Variants in PIEZO1 observed in about 807,000 individuals in gnomAD.
The protein encoded by PIEZO1 is piezo-type mechanosensitive ion channel component 1.
In PIEZO1, 296 loss-of-function variants were observed where a neutral mutation model predicts 297.2. The observed-to-expected ratio is 1.00, with a 90% CI of 0.91 to 1.10. The LOEUF is 1.10. PIEZO1 is among the 50% of genes least tolerant of loss of function. The probability of loss-of-function intolerance (pLI) is 0.00; values close to 1 mark genes in which losing one functional copy is unlikely to be tolerated. For synonymous variants in PIEZO1, 2,427 were observed against 1,507.5 expected (o/e 1.61, Z -14.13); for missense variants, 5,018 against 3,455.5 (o/e 1.45, Z -11.34).
chr16:88,772,634 C>T (rs1907476287), intron 1 of PIEZO1, among the ~76,000 whole-genome samples: 1 of 152,134 alleles, frequency 6.6e-6, no homozygotes, highest in African/African-American at 2.4e-5. Context: ...CAAAAATGAG[C>T]CGGGCGTGAT....
chr16:88,716,147 G>C, intron 49 of PIEZO1, 28 bp from the exon 50 acceptor site: 1 of 1,529,258 alleles, frequency 6.5e-7, no homozygotes, highest in South Asian at 1.2e-5. Flanking sequence ...GATCGTTGAG[G>C]CCGCAGGTCA....
chr16:88,726,893 A>T lies in PIEZO1; in HGVS notation c.3521T>A (p.Val1174Glu). The T allele has an allele frequency of 6.5e-7, 1 of 1,550,312 alleles. No homozygotes were observed. Among genetic ancestry groups the T allele is most frequent in the Non-Finnish European group, 8.7e-7 (1 of 1,146,878 alleles). ...GATGCGGGTGGCCCCCGTGACAAAC[A>T]CCACCACCAGCACCAGCCAGAACAG... ...RYLFWLVLVV[V>E]FVTGATRISI... The change falls in exon 25 of 51, where the codon GTG (valine) becomes GAG (glutamate). Residue 1174 changes from valine to glutamate, a missense_variant. By Grantham distance (121) the Val-to-Glu change is moderately radical. Coordinates refer to ENST00000301015, the MANE Select transcript of PIEZO1 (RefSeq NM_001142864.4).
At chr16:88,723,752 T>C (rs1183761872) in intron 31 of PIEZO1, 119 bp downstream of exon 31, 3 of 635,180 alleles carry the variant, frequency 4.7e-6, no homozygotes, top group African/African-American at 3.7e-5. Flanking sequence ...GTGGGCTAAC[T>C]GGAGGTGGAG....
In PIEZO1 at chr16:88,716,632, G is replaced by T; in HGVS notation, c.6853C>A (p.Arg2285Ser). The T allele has an allele frequency of 6.5e-7, 1 of 1,549,880 alleles. No homozygotes were observed. ...TAGAGCTCCCGCTTCATCTGGGCACGGCTGGGGGGACTGATGCGCCACAGC... is the reference window on the plus strand; with the variant it reads ...TAGAGCTCCCGCTTCATCTGGGCACTGCTGGGGGGACTGATGCGCCACAGC... ...GALWRISPPS[R>S]AQMKRELYNG... Residue 2285 changes from arginine to serine, a missense_variant, in exon 47 of 51, where the codon CGT becomes AGT. By Grantham distance (110) the Arg-to-Ser change is moderately radical. Coordinates refer to ENST00000301015, the MANE Select transcript of PIEZO1 (RefSeq NM_001142864.4).
chr16:88,717,162 C>A lies in PIEZO1; in HGVS notation c.6521G>T (p.Gly2174Val). The change falls in exon 45 of 51, where the codon GGC (glycine) becomes GTC (valine). Residue 2174 changes from glycine (G) to valine (V), a missense_variant. By Grantham distance (109) the Gly-to-Val change is moderately radical. Coordinates refer to ENST00000301015, the MANE Select transcript of PIEZO1 (RefSeq NM_001142864.4). ...GAAGAGGATGATGAGGCCACCCATGCCGTACTTGACGATCTTCTTCTTCTT... is the reference window on the plus strand; with the variant it reads ...GAAGAGGATGATGAGGCCACCCATGACGTACTTGACGATCTTCTTCTTCTT... Reference protein sequence around the residue: ...GQKKKKIVKYGMGGLIILFLI... With the variant: ...GQKKKKIVKYVMGGLIILFLI... 6.4e-7 allele frequency: 1 copy of A among 1,550,950 alleles called. No homozygotes were observed. Among genetic ancestry groups the A allele is most frequent in the Non-Finnish European group, 8.7e-7 (1 of 1,147,134 alleles).
intron 1 of PIEZO1, among the ~76,000 whole-genome samples, chr16:88,777,170 G>A (rs1248646603): frequency 6.6e-6 from 1 of 152,200 alleles, no homozygotes; most frequent in East Asian, 1.9e-4. Context: ...ACAGGGTTTT[G>A]CCATGTTGGC....
At chr16:88,732,871 C>T (rs1904959074) in intron 19 of PIEZO1, 139 bp from the exon 20 acceptor site, 8 of 852,134 alleles carry the variant, frequency 9.4e-6, no homozygotes, top group Non-Finnish European at 1.4e-5. Flanking sequence ...GCCTTGGAGC[C>T]ACCTTCACGG....
In PIEZO1 at chr16:88,733,678, G is replaced by C; in HGVS notation, c.2397C>G (p.Leu799=). 1 of 1,549,486 alleles carries C rather than the reference G, an allele frequency of 6.5e-7. No individual in the cohort carries two copies. Among genetic ancestry groups the C allele is most frequent in the Non-Finnish European group, 8.7e-7 (1 of 1,146,512 alleles). ...LELAAGFSDV[L]SRVQVFLRRL... is the part of the protein sequence containing the mutation. ...GCCGCAGGAACACCTGCACGCGTGA[G>C]AGGACGTCCGAGAAGCCGGCTGCCA... The change falls in exon 18 of 51, where the codon CTC becomes CTG. Residue 799 remains leucine (L), a synonymous_variant. Coordinates refer to ENST00000301015, the MANE Select transcript of PIEZO1 (RefSeq NM_001142864.4).
At chr16:88,758,208 T>G (rs1567687988) in intron 1 of PIEZO1, among the ~76,000 whole-genome samples, 1 of 152,124 alleles carries the variant, frequency 6.6e-6, no homozygotes, top group African/African-American at 2.4e-5. Context: ...GCAACAGCCC[T>G]CTCAGCCCAA....
chr16:88,738,774 C>A, intron 5 of PIEZO1, 38 bp from the exon 6 acceptor site: 1 of 1,495,776 alleles, frequency 6.7e-7, no homozygotes, highest in Non-Finnish European at 9.0e-7. Flanking sequence ...TCAGGTGTAT[C>A]GCACTGACGC....
rs574402639 is a variant in PIEZO1, at chr16:88,737,953, G to T, written c.1001C>A (p.Ala334Glu). 1.1e-5 allele frequency: 17 copies of T among 1,532,036 alleles called. No homozygotes were observed. The South Asian group carries it at 1.9e-4, about 17-fold the overall frequency. The allele number at this position is 1,532,036 out of a possible 1,614,324, so 94.9% of individuals were successfully genotyped here. Residue 334 changes from alanine to glutamate, a missense_variant, in exon 8 of 51, where the codon GCG becomes GAG. Physicochemically the swap from Ala to Glu is moderately radical, Grantham distance 107. Transcript: ENST00000301015. ...GCTCACCTGGCCGGAGGGGCGGTAC[G>T]CGCGGAGCTTGCGCAGAGAGGCCGT... ...YATASLRKLR[A>E]YRPSGQRKEA...
chr16:88,755,761 G>A (rs972179455), intron 1 of PIEZO1, among the ~76,000 whole-genome samples: 17 of 152,248 alleles, frequency 1.1e-4, no homozygotes, highest in Non-Finnish European at 2.2e-4. Flanking sequence ...GAGGCCGGGG[G>A]CCCCCAGGCC....
chr16:88,735,083 C>T (rs1008895336), intron 13 of PIEZO1, 30 bp from the exon 14 acceptor site: 9 of 1,549,940 alleles, frequency 5.8e-6, no homozygotes, highest in Non-Finnish European at 7.0e-6. Context: ...CAGGCGATGG[C>T]ATCAGGGCGG....
chr16:88,774,793 G>A (rs989239647), intron 1 of PIEZO1, among the ~76,000 whole-genome samples: 1 of 152,228 alleles, frequency 6.6e-6, no homozygotes, highest in Admixed American at 6.5e-5. Flanking sequence ...GCACCCCGGA[G>A]CCGGCTGCGC....
At chr16:88,726,074 C>T (rs964711963) in intron 27 of PIEZO1, 34 of 590,334 alleles carry the variant, frequency 5.8e-5, no homozygotes, top group Admixed American at 3.7e-4. Flanking sequence ...GCACTGCAGC[C>T]TGTGGTCTCT....
In PIEZO1 at chr16:88,742,327, GGGGCACAATAT is replaced by G; in HGVS notation, c.245_255del (p.His82ProfsTer40). On this transcript the variant is annotated frameshift_variant, in exon 3 of 51. Coordinates refer to ENST00000301015, the MANE Select transcript of PIEZO1 (RefSeq NM_001142864.4). LOFTEE classifies it high-confidence loss of function. ...CTGGGTCCCAGGAGCTGGTCCAGGCGGGGCACAATATGCAGGCAGATCTGGAGGGCGAGATG... is the reference window on the plus strand; with the variant it reads ...CTGGGTCCCAGGAGCTGGTCCAGGCGGCAGGCAGATCTGGAGGGCGAGATG... 1 of 1,535,204 alleles carries G rather than the reference GGGGCACAATAT, an allele frequency of 6.5e-7. No individual in the cohort carries two copies. The highest frequency in any genetic ancestry group is 8.7e-7 in the Non-Finnish European group (1 of 1,146,472).
At chr16:88,717,383 G>A (rs970089851) in intron 44 of PIEZO1, 172 bp from the exon 45 acceptor site, 1 of 662,614 alleles carries the variant, frequency 1.5e-6, no homozygotes, top group Non-Finnish European at 2.7e-6. Flanking sequence ...TAAGAGTCCA[G>A]TTGGAACCCT....
In PIEZO1 at chr16:88,735,051, G is replaced by A. The variant is rs1468898074; in HGVS notation, c.1672C>T (p.Pro558Ser). 3.2e-5 allele frequency: 50 copies of A among 1,550,212 alleles called. No homozygotes were observed. The highest frequency in any genetic ancestry group is 4.2e-5 in the Non-Finnish European group (48 of 1,146,912). Residue 558 changes from proline to serine, a missense_variant and splice_region_variant, in exon 14 of 51, where the codon CCC (proline) becomes TCC (serine). Transcript: ENST00000301015. The part of the protein sequence containing the change: ...LTEVTVADTE[P>S]TRTQTLLQSL... ...TGCAACAGCGTCTGCGTCCGCGTGG[G>A]CTCTGTGGGCCAAGCCAGGGGCAGG...
chr16:88,749,256 T>C, intron 2 of PIEZO1, 128 bp downstream of exon 2: 1 of 591,928 alleles, frequency 1.7e-6, no homozygotes, highest in Non-Finnish European at 2.8e-6. Flanking sequence ...AAAAAAAAAT[T>C]TTATTTCGGG....
Sources: allele counts gnomAD v4.1 joint callset (sites outside exome capture counted in the v4.1 genomes callset), GRCh38; gene constraint gnomAD v4.1.1; transcripts MANE v1.5; gene names NCBI Gene and HGNC (gene_info 2026-07-23, HGNC 2026-07-21).